Variants in APLP1 observed in about 807,000 individuals in gnomAD.
APLP1 encodes the protein amyloid beta precursor like protein 1.
Under a neutral mutation model 84.5 loss-of-function variants are expected in APLP1, and 46 were observed. That is an observed-to-expected ratio of 0.54 (90% CI 0.43 to 0.70). APLP1 has a LOEUF of 0.70. APLP1 is among the 30% of genes least tolerant of loss of function. The pLI is 0.00. For missense variants in APLP1, 826 were observed against 900.2 expected, an observed-to-expected ratio of 0.92 and a Z score of 1.05; for synonymous variants, 376 against 364.0, an observed-to-expected ratio of 1.03 and a Z score of -0.38.
rs1974129718 is a variant in APLP1, at chr19:35,870,977, A to C, written c.373A>C (p.Ser125Arg). ...PMERWCGGSR[S>R]GSCAHPHHQV... ...GGAGCGCTGGTGCGGGGGTTCCCGG[A>C]GCGGCAGCTGCGCCCACCCCCACCA... Residue 125 changes from serine (S) to arginine (R), a missense_variant, in exon 3 of 17, where the codon AGC becomes CGC. Physicochemically the swap from Ser to Arg is moderately radical, Grantham distance 110. Coordinates refer to ENST00000221891, the MANE Select transcript of APLP1 (RefSeq NM_001024807.3). The C allele has an allele frequency of 3.8e-6, 6 of 1,572,496 alleles. No homozygotes were observed. The highest frequency in any genetic ancestry group is 3.4e-6 in the Non-Finnish European group (4 of 1,160,994).
At chr19:35,873,776 C>T in intron 8 of APLP1, 63 bp downstream of exon 8, 1 of 1,514,848 alleles carries the variant, frequency 6.6e-7, no homozygotes, top group Non-Finnish European at 9.1e-7. Flanking sequence ...CTCAGTTTCA[C>T]CTGGCTCTGG....
In APLP1 at chr19:35,871,681, C is replaced by T. The variant is rs375567499; in HGVS notation, c.607C>T (p.Arg203Cys). 28 of 1,613,960 alleles carry T rather than the reference C, an allele frequency of 1.7e-5. No individual in the cohort carries two copies. Among genetic ancestry groups the T allele is most frequent in the Middle Eastern group, 1.6e-4 (1 of 6,084 alleles). The part of the protein sequence containing the change: ...MLLPCGSDRF[R>C]GVEYVCCPPP... ...CTTACCCTGTGGCTCGGATCGGTTCCGTGGTGTGGAGTATGTGTGCTGTCC... is the reference window on the plus strand; with the variant it reads ...CTTACCCTGTGGCTCGGATCGGTTCTGTGGTGTGGAGTATGTGTGCTGTCC... The change falls in exon 5 of 17, where the codon CGT becomes TGT. Residue 203 changes from arginine to cysteine, a missense_variant. Arg to Cys is a radical substitution (Grantham distance 180, BLOSUM62 -3). Coordinates refer to ENST00000221891, the MANE Select transcript of APLP1 (RefSeq NM_001024807.3).
chr19:35,877,627 T>G, intron 11 of APLP1, 91 bp from the exon 12 acceptor site: 1 of 812,038 alleles, frequency 1.2e-6, no homozygotes, highest in Non-Finnish European at 2.0e-6. Context: ...CTCTGCTGTC[T>G]GCATGATCTC....
chr19:35,876,928 C>T (rs572728995), intron 11 of APLP1, among the ~76,000 whole-genome samples: 4 of 152,274 alleles, frequency 2.6e-5, no homozygotes, highest in Admixed American at 6.5e-5. Context: ...CTCTCTTCTC[C>T]GTGGAGCTTC....
intron 4 of APLP1, 115 bp downstream of exon 4, chr19:35,871,464 G>A: frequency 7.4e-7 from 1 of 1,357,174 alleles, no homozygotes; most frequent in South Asian, 1.3e-5. Flanking sequence ...TTCGCACTTG[G>A]GATCTAAGAA....
chr19:35,878,605 C>T lies in APLP1; in HGVS notation c.1601C>T (p.Ala534Val), dbSNP rs1230749009. The T allele has an allele frequency of 1.2e-6, 2 of 1,613,866 alleles. No individual in the cohort carries two copies. Among genetic ancestry groups the T allele is most frequent in the African/African-American group, 2.7e-5 (2 of 74,844 alleles). Residue 534 changes from alanine (A) to valine (V), a missense_variant, in exon 14 of 17, where the codon GCA becomes GTA. This residue lies in a region of APLP1 where 433 missense variants were observed against 496.5 expected (regional missense o/e 0.87). Transcript: ENST00000221891. ...LPKGSTEQDA[A>V]SPEKEKMNPL... ...GTAGGGTCCACAGAACAAGATGCTG[C>T]ATCCCCTGAGAAAGAGAAGATGAAC...
intron 10 of APLP1, among the ~76,000 whole-genome samples, chr19:35,875,328 A>ATTT (rs35284323): frequency 0.015 from 1,946 of 133,138 alleles, 77 homozygotes; most frequent in African/African-American, 0.051. Flanking sequence ...CACTGGGCTA[A>ATTT]TTTTTTTTTT....
rs1303678428 is a variant in APLP1, at chr19:35,871,664, G to A, written c.590G>A (p.Cys197Tyr). The A allele has an allele frequency of 6.2e-7, 1 of 1,614,064 alleles. No individual in the cohort carries two copies. Among genetic ancestry groups the A allele is most frequent in the East Asian group, 2.2e-5 (1 of 44,876 alleles). The part of the protein sequence containing the change: ...ILHGSGMLLP[C>Y]GSDRFRGVEY... ...CACGGCTCGGGCATGCTCTTACCCT[G>A]TGGCTCGGATCGGTTCCGTGGTGTG... Residue 197 changes from cysteine to tyrosine, a missense_variant, in exon 5 of 17, where the codon TGT becomes TAT. By Grantham distance (194) the Cys-to-Tyr change is radical (BLOSUM62 -2). This residue lies in a region of APLP1 where 383 missense variants were observed against 378.3 expected (regional missense o/e 1.01). Coordinates refer to ENST00000221891, the MANE Select transcript of APLP1 (RefSeq NM_001024807.3).
At chr19:35,878,548 GA>G (rs543060728) in intron 13 of APLP1, 35 bp from the exon 14 acceptor site, 11,328 of 1,123,922 alleles carry the variant, frequency 0.01, no homozygotes, top group Admixed American at 0.012. Flanking sequence ...TCTGTCTAAA[GA>G]AAAAAAAAAA....
At position 35,879,141 on chromosome 19, in the gene APLP1, G is replaced by T. The variant is rs140931671; in HGVS notation, c.1781G>T (p.Gly594Val). 11 of 1,612,276 alleles carry T rather than the reference G, an allele frequency of 6.8e-6. No homozygotes were observed. The African/African-American group carries it at 1.2e-4, about 18-fold the overall frequency. ...SGLLIMGAGG[G>V]SLIVLSMLLL... is the part of the protein sequence containing the mutation. ...CTGCTGATCATGGGAGCGGGCGGAGGCTCCCTCATCGTCCTCTCCATGCTG... is the reference window on the plus strand; with the variant it reads ...CTGCTGATCATGGGAGCGGGCGGAGTCTCCCTCATCGTCCTCTCCATGCTG... The change falls in exon 16 of 17, where the codon GGC (glycine) becomes GTC (valine). Residue 594 changes from glycine (G) to valine (V), a missense_variant. Physicochemically the swap from Gly to Val is moderately radical, Grantham distance 109 (BLOSUM62 -3). Coordinates refer to ENST00000221891, the MANE Select transcript of APLP1 (RefSeq NM_001024807.3).
intron 4 of APLP1, 109 bp from the exon 5 acceptor site, chr19:35,871,503 G>T: frequency 6.9e-7 from 1 of 1,457,518 alleles, no homozygotes; most frequent in Non-Finnish European, 9.5e-7. Context: ...TCCTCTAGAA[G>T]CAGGAATCCA....
At chr19:35,873,760 A>C (rs770959960) in intron 8 of APLP1, 47 bp downstream of exon 8, 1 of 1,568,022 alleles carries the variant, frequency 6.4e-7, no homozygotes, top group South Asian at 1.1e-5. Context: ...CACCACCTGG[A>C]GCACACTCAG....
At chr19:35,872,095 G>A in intron 6 of APLP1, 59 bp downstream of exon 6, 2 of 1,564,164 alleles carry the variant, frequency 1.3e-6, no homozygotes, top group Non-Finnish European at 1.7e-6. Context: ...AGATCTGGGG[G>A]AGTCTTGCTG....
Position 35,874,516 on chromosome 19 carries a change from A to G in APLP1, c.1069A>G (p.Ile357Val), listed in dbSNP as rs369275539. The change falls in exon 9 of 17, where the codon ATT becomes GTT. Residue 357 changes from isoleucine to valine, a missense_variant. Ile to Val is a conservative substitution (Grantham distance 29). Coordinates refer to ENST00000221891, the MANE Select transcript of APLP1 (RefSeq NM_001024807.3). This position sits in a 1 kb window ranked among gnomAD's most constrained non-coding sequence, Gnocchi z 6.4. ...ACCCGCTCCCCAGCACTTCCAGTCC[A>G]TTCTGCAGACTCTGGAGGAGCAGGT... ...RQALNEHFQS[I>V]LQTLEEQVSG... The G allele has an allele frequency of 3.0e-5, 48 of 1,613,990 alleles. No homozygotes were observed. The Middle Eastern group carries it at 1.3e-3, about 44-fold the overall frequency.
chr19:35,879,178 G>C lies in APLP1; in HGVS notation c.1818G>C (p.Arg606Ser). The C allele has an allele frequency of 6.2e-7, 1 of 1,613,026 alleles. No homozygotes were observed. Among genetic ancestry groups the C allele is most frequent in the Non-Finnish European group, 8.5e-7 (1 of 1,180,004 alleles). ...LIVLSMLLLRRKKPYGAISHG... is the reference protein window; with the variant it reads ...LIVLSMLLLRSKKPYGAISHG... ...TCCTCTCCATGCTGCTCCTGCGCAG[G>C]AAGAAGCCCTACGGGGCTATCAGCC... The change falls in exon 16 of 17, where the codon AGG becomes AGC. Residue 606 changes from arginine to serine, a missense_variant. By Grantham distance (110) the Arg-to-Ser change is moderately radical (BLOSUM62 -1). Transcript: ENST00000221891.
intron 14 of APLP1, 25 bp from the exon 15 acceptor site, chr19:35,878,865 T>A (rs747824478): frequency 1.2e-6 from 2 of 1,613,834 alleles, no homozygotes; most frequent in Admixed American, 1.7e-5. Context: ...GGCTTCTGGG[T>A]TCCTGACACC....
Position 35,874,908 on chromosome 19 carries a change from C to G in APLP1, c.1344+39C>G, listed in dbSNP as rs756784579. 1.3e-6 allele frequency: 2 copies of G among 1,593,830 alleles called. No homozygotes were observed. The highest frequency in any genetic ancestry group is 2.2e-5 in the East Asian group (1 of 44,640). The stretch of plus-strand genomic sequence containing the variant: ...TCCAGCTCCCAAATGCGCCGCTATT[C>G]CTCAGACGCCCGCGCCTCAGGCTCT... On this transcript the variant is annotated intron_variant, in intron 10 of 16. Transcript: ENST00000221891. This position sits in a 1 kb window ranked among gnomAD's most constrained non-coding sequence, Gnocchi z 6.4.
At chr19:35,872,107 G>A in intron 6 of APLP1, 71 bp downstream of exon 6, 1 of 1,545,724 alleles carries the variant, frequency 6.5e-7, no homozygotes, top group Non-Finnish European at 8.7e-7. Flanking sequence ...GTCTTGCTGG[G>A]GGGTGTCTTT....
chr19:35,874,473 T>A lies in APLP1; in HGVS notation c.1057-31T>A. 1 of 1,611,354 alleles carries A rather than the reference T, an allele frequency of 6.2e-7. No individual in the cohort carries two copies. The highest frequency in any genetic ancestry group is 8.5e-7 in the Non-Finnish European group (1 of 1,177,860). ...GACCAGGCTTTGACCCATCTTCTCC[T>A]CTCCTGACCCTGTGCCCACCCGCTC... On this transcript the variant is annotated intron_variant, in intron 8 of 16. Transcript: ENST00000221891. This position sits in a 1 kb window ranked among gnomAD's most constrained non-coding sequence, Gnocchi z 6.4.
Sources: allele counts gnomAD v4.1 joint callset (sites outside exome capture counted in the v4.1 genomes callset), GRCh38; gene constraint gnomAD v4.1.1; regional missense constraint gnomAD v4.1.1; non-coding constraint Gnocchi (gnomAD v3.1); transcripts MANE v1.5; gene names NCBI Gene and HGNC (gene_info 2026-07-23, HGNC 2026-07-21).